Variants in PPP1R12A observed in about 807,000 individuals in gnomAD.
PPP1R12A encodes myosin binding subunit.
In PPP1R12A, 19 loss-of-function variants were observed where a neutral mutation model predicts 139.6. The ratio of observed to expected loss-of-function variants is 0.14; its 90% CI spans 0.09 to 0.20. The LOEUF is 0.20. Among genes scored for constraint, PPP1R12A ranks in the 10% least tolerant of loss-of-function variants. The pLI is 1.00. For synonymous variants in PPP1R12A, 427 were observed against 420.6 expected (o/e 1.02, Z -0.19); for missense variants, 925 against 1,211.5 (o/e 0.76, Z 3.51).
intron 2 of PPP1R12A, among the ~76,000 whole-genome samples, chr12:79,866,413 C>A (rs1881968345): frequency 6.6e-6 from 1 of 152,082 alleles, no homozygotes; most frequent in Non-Finnish European, 1.5e-5. Flanking sequence ...TAGGCATGGG[C>A]AAAGACTTCA....
chr12:79,846,193 A>AT (rs930586355), intron 2 of PPP1R12A, among the ~76,000 whole-genome samples: 12 of 152,300 alleles, frequency 7.9e-5, no homozygotes, highest in Admixed American at 2.0e-4. Context: ...CTACAAATAT[A>AT]TTTTTTAAAT....
intron 1 of PPP1R12A, among the ~76,000 whole-genome samples, chr12:79,890,895 C>CACA (rs1884539004): frequency 6.7e-5 from 7 of 104,530 alleles, no homozygotes; most frequent in Admixed American, 4.7e-4. Flanking sequence ...CACCACCCAC[C>CACA]CACACCCACC....
chr12:79,923,963 G>C (rs988646039), intron 1 of PPP1R12A, among the ~76,000 whole-genome samples: 3 of 152,134 alleles, frequency 2.0e-5, no homozygotes, highest in Admixed American at 2.0e-4. Flanking sequence ...AGAATCACTT[G>C]AACCTGGGAG....
chr12:79,842,995 C>T (rs1878921274), intron 3 of PPP1R12A, among the ~76,000 whole-genome samples: 1 of 152,114 alleles, frequency 6.6e-6, no homozygotes, highest in Non-Finnish European at 1.5e-5. Flanking sequence ...ATTCTATTTT[C>T]TCTATGAATT....
At chr12:79,818,630 G>A (rs557232115) in intron 8 of PPP1R12A, among the ~76,000 whole-genome samples, 3 of 152,210 alleles carry the variant, frequency 2.0e-5, no homozygotes, top group South Asian at 4.1e-4. Context: ...AAAAGTCCTA[G>A]AAGAAAGAAC....
At chr12:79,851,144 G>GA (rs1157697254) in intron 2 of PPP1R12A, among the ~76,000 whole-genome samples, 1 of 152,018 alleles carries the variant, frequency 6.6e-6, no homozygotes, top group Non-Finnish European at 1.5e-5. Flanking sequence ...TTGAAAATCT[G>GA]AAAAAATTAC....
chr12:79,923,342 A>C lies in PPP1R12A; in HGVS notation c.237+11353T>G, dbSNP rs17334439. 3.0e-3 allele frequency among the ~76,000 whole-genome samples: 455 copies of C among 152,346 alleles called. 1 individual carries two copies. Among genetic ancestry groups the C allele is most frequent in the African/African-American group, 0.01 (435 of 41,580 alleles). On this transcript the variant is annotated intron_variant, in intron 1 of 24. Transcript: ENST00000450142. ...CCATATGATAAAAAGTGGAAAATATACTAAATGTTCATCAGGAAAGGACTA... is the reference window on the plus strand; with the variant it reads ...CCATATGATAAAAAGTGGAAAATATCCTAAATGTTCATCAGGAAAGGACTA...
At chr12:79,810,756 T>G (rs566771156) in intron 9 of PPP1R12A, among the ~76,000 whole-genome samples, 1 of 152,264 alleles carries the variant, frequency 6.6e-6, no homozygotes, top group East Asian at 1.9e-4. Context: ...GTAGATAATA[T>G]AGCATGTGAC....
intron 2 of PPP1R12A, among the ~76,000 whole-genome samples, chr12:79,857,333 C>T (rs1208995621): frequency 1.4e-5 from 2 of 141,970 alleles, no homozygotes; most frequent in Non-Finnish European, 3.0e-5. Flanking sequence ...ATCGCAAGGA[C>T]AAAAAACCAA....
chr12:79,796,731 C>T, intron 17 of PPP1R12A, 51 bp downstream of exon 17: 1 of 1,424,450 alleles, frequency 7.0e-7, no homozygotes, highest in East Asian at 2.4e-5. Flanking sequence ...AACCCTAATC[C>T]AAAGGATTAT....
intron 2 of PPP1R12A, among the ~76,000 whole-genome samples, chr12:79,865,889 C>T (rs1289354210): frequency 6.6e-6 from 1 of 152,140 alleles, no homozygotes; most frequent in Non-Finnish European, 1.5e-5. Context: ...AATGGCCTTA[C>T]TACCCAAAGT....
chr12:79,793,830 A>C lies in PPP1R12A; in HGVS notation c.2649+33T>G, dbSNP rs185404919. The stretch of plus-strand genomic sequence containing the variant: ...TAAAAGTAATTATTAAAAAATATGA[A>C]TACTTCTCAATACAAAAAGTAATGG... On this transcript the variant is annotated intron_variant, in intron 19 of 24. Transcript: ENST00000450142. 2.2e-4 allele frequency: 318 copies of C among 1,464,802 alleles called. No individual in the cohort carries two copies. The African/African-American group carries it at 4.3e-3, about 20-fold the overall frequency. The allele number at this position is 1,464,802 out of a possible 1,614,324, so 90.7% of individuals were successfully genotyped here.
intron 1 of PPP1R12A, among the ~76,000 whole-genome samples, chr12:79,907,637 G>A (rs12820259): frequency 0.1 from 15,727 of 152,080 alleles, 2,192 homozygotes; most frequent in African/African-American, 0.32. Flanking sequence ...GGTGGCTCAC[G>A]CCTGTAATCC....
chr12:79,868,595 C>T (rs866514366), intron 2 of PPP1R12A, among the ~76,000 whole-genome samples: 1 of 152,154 alleles, frequency 6.6e-6, no homozygotes, highest in Middle Eastern at 3.2e-3. Context: ...TGTTTCTTCA[C>T]ATGGTTTCTT....
At chr12:79,791,594 T>C (rs1169218580) in intron 19 of PPP1R12A, among the ~76,000 whole-genome samples, 2 of 152,174 alleles carry the variant, frequency 1.3e-5, no homozygotes, top group African/African-American at 2.4e-5. Context: ...TCCCAGAGTG[T>C]TGGGCTTATA....
intron 23 of PPP1R12A, chr12:79,779,806 A>C: frequency 3.0e-5 from 5 of 164,124 alleles, no homozygotes; most frequent in East Asian, 1.6e-4. Flanking sequence ...TGGTAAAGTA[A>C]GACAAGAAAA....
At chr12:79,920,183 T>C (rs1887329324) in intron 1 of PPP1R12A, among the ~76,000 whole-genome samples, 1 of 152,244 alleles carries the variant, frequency 6.6e-6, no homozygotes, top group South Asian at 2.1e-4. Flanking sequence ...TTCATCTTTG[T>C]AGCAATTATC....
At chr12:79,891,968 C>A (rs948677038) in intron 1 of PPP1R12A, among the ~76,000 whole-genome samples, 3 of 152,200 alleles carry the variant, frequency 2.0e-5, no homozygotes, top group African/African-American at 7.2e-5. Flanking sequence ...TAGTCAGAAG[C>A]ACCCAGCTAA....
At chr12:79,823,101 A>G (rs1876326612) in intron 5 of PPP1R12A, among the ~76,000 whole-genome samples, 1 of 152,144 alleles carries the variant, frequency 6.6e-6, no homozygotes, top group Non-Finnish European at 1.5e-5. Context: ...ATGTCAATCC[A>G]TTTTAATTCA....
Sources: allele counts gnomAD v4.1 joint callset (sites outside exome capture counted in the v4.1 genomes callset), GRCh38; gene constraint gnomAD v4.1.1; transcripts MANE v1.5; gene names NCBI Gene and HGNC (gene_info 2026-07-23, HGNC 2026-07-21).